Variants in L2HGDH observed in about 807,000 individuals in gnomAD.
The protein encoded by L2HGDH is L-2-hydroxyglutarate dehydrogenase, mitochondrial.
Under a neutral mutation model 51.5 loss-of-function variants are expected in L2HGDH, and 34 were observed. The ratio of observed to expected loss-of-function variants is 0.66; its 90% CI spans 0.50 to 0.88. The LOEUF (loss-of-function observed/expected upper bound fraction) is 0.88, where lower values mean the gene tolerates loss of function less well. L2HGDH is among the 40% of genes least tolerant of loss of function. The probability of loss-of-function intolerance (pLI) is 0.00; values close to 1 mark genes in which losing one functional copy is unlikely to be tolerated. For missense variants in L2HGDH, 558 were observed against 571.9 expected (o/e 0.98, Z 0.25); for synonymous variants, 198 against 197.9 (o/e 1.00, Z -0.01).
At chr14:50,266,486 C>A (rs1249796597) in intron 8 of L2HGDH, among the ~76,000 whole-genome samples, 3 of 151,906 alleles carry the variant, frequency 2.0e-5, no homozygotes, top group Admixed American at 6.6e-5. Context: ...CTACAGAAAA[C>A]ACAAAAATTA....
At chr14:50,311,096 C>G (rs763093129) in intron 1 of L2HGDH, among the ~76,000 whole-genome samples, 2 of 151,906 alleles carry the variant, frequency 1.3e-5, no homozygotes, top group African/African-American at 2.4e-5. Flanking sequence ...CCCACCACCA[C>G]GCCAGGCTAA....
chr14:50,300,698 A>G (rs1044050310), intron 3 of L2HGDH, among the ~76,000 whole-genome samples: 2 of 152,204 alleles, frequency 1.3e-5, no homozygotes, highest in South Asian at 4.1e-4. Context: ...AGTGGCTCAC[A>G]TCTGTAATCC....
intron 6 of L2HGDH, among the ~76,000 whole-genome samples, chr14:50,274,152 G>A (rs1889842611): frequency 6.6e-6 from 1 of 152,010 alleles, no homozygotes; most frequent in African/African-American, 2.4e-5. Context: ...GGCAGCACGT[G>A]CCTGTAATAC....
Position 50,242,547 on chromosome 14 carries a change from A to G in L2HGDH, c.*4511T>C, listed in dbSNP as rs1250127359. ...ATACTTTCTAGGATTTGAGGCCAGA[A>G]AAGTAGAGTTGGTTGGTATCAACAC... is the stretch of plus-strand genomic sequence containing the variant. On this transcript the variant is annotated 3_prime_UTR_variant, in exon 10 of 10. Transcript: ENST00000267436. The G allele has an allele frequency of 1.0e-6, 1 of 984,920 alleles. No individual in the cohort carries two copies. Among genetic ancestry groups the G allele is most frequent in the Non-Finnish European group, 1.2e-6 (1 of 829,560 alleles). 61.0% of individuals were successfully genotyped at this position (984,920 alleles called of 1,614,324 possible). A position where few individuals can be genotyped will look rare whatever the true frequency, so the allele number is the denominator to read the frequency against.
At chr14:50,262,558 G>A (rs372912887) in intron 9 of L2HGDH, among the ~76,000 whole-genome samples, 10 of 151,132 alleles carry the variant, frequency 6.6e-5, no homozygotes, top group African/African-American at 1.7e-4. Flanking sequence ...AAGCATTACC[G>A]ATATGATAGA....
At chr14:50,259,365 G>T (rs1354306615) in intron 9 of L2HGDH, among the ~76,000 whole-genome samples, 15 of 52,124 alleles carry the variant, frequency 2.9e-4, no homozygotes, top group Admixed American at 6.2e-4. Context: ...TTTCTTTTTC[G>T]GTTTTTTTTT....
intron 6 of L2HGDH, among the ~76,000 whole-genome samples, chr14:50,271,764 T>C (rs1889705004): frequency 1.3e-5 from 2 of 152,192 alleles, no homozygotes; most frequent in Non-Finnish European, 2.9e-5. Context: ...TCTGTTGCTC[T>C]TTCATAAGTG....
chr14:50,297,906 A>G (rs2030159397), intron 3 of L2HGDH, among the ~76,000 whole-genome samples: 1 of 151,104 alleles, frequency 6.6e-6, no homozygotes, highest in Non-Finnish European at 1.5e-5. Flanking sequence ...TTTGAGACCA[A>G]CTTGAGCAAC....
At chr14:50,257,373 ATT>A (rs34937042) in intron 9 of L2HGDH, among the ~76,000 whole-genome samples, 3 of 145,108 alleles carry the variant, frequency 2.1e-5, no homozygotes, top group Admixed American at 6.8e-5. Flanking sequence ...TTTTCCTTTA[ATT>A]TTTTTTTTTT....
At chr14:50,292,111 A>T (rs912307149) in intron 4 of L2HGDH, among the ~76,000 whole-genome samples, 1 of 152,216 alleles carries the variant, frequency 6.6e-6, no homozygotes, top group African/African-American at 2.4e-5. Context: ...TATAAGAGAC[A>T]TGCCATGCAA....
At chr14:50,251,273 AG>A (rs1448242813) in intron 9 of L2HGDH, among the ~76,000 whole-genome samples, 2 of 152,180 alleles carry the variant, frequency 1.3e-5, no homozygotes, top group African/African-American at 4.8e-5. Context: ...CTGATCAGGC[AG>A]AAGAGTTTGT....
At chr14:50,264,402 T>C (rs1319932971) in intron 9 of L2HGDH, among the ~76,000 whole-genome samples, 2 of 152,020 alleles carry the variant, frequency 1.3e-5, no homozygotes, top group East Asian at 3.9e-4. Flanking sequence ...AAATAAAAGA[T>C]GCAAGTTGTC....
chr14:50,299,934 G>T (rs1849303725), intron 3 of L2HGDH: 1 of 152,626 alleles, frequency 6.6e-6, no homozygotes. Context: ...GAACCTGGAG[G>T]ACATTATCTT....
intron 4 of L2HGDH, among the ~76,000 whole-genome samples, chr14:50,284,566 CAT>C (rs1426225062): frequency 6.6e-6 from 1 of 152,172 alleles, no homozygotes; most frequent in Non-Finnish European, 1.5e-5. Context: ...CTATATAACA[CAT>C]GCTTATTTTA....
At chr14:50,263,345 G>C (rs563624239) in intron 9 of L2HGDH, among the ~76,000 whole-genome samples, 5 of 152,194 alleles carry the variant, frequency 3.3e-5, no homozygotes, top group Non-Finnish European at 5.9e-5. Context: ...TATTTCAGAA[G>C]GTGAGTAGAG....
intron 1 of L2HGDH, among the ~76,000 whole-genome samples, chr14:50,311,106 A>G (rs1177853876): frequency 6.6e-6 from 1 of 151,416 alleles, no homozygotes; most frequent in Non-Finnish European, 1.5e-5. Context: ...CGCCAGGCTA[A>G]TTTTTTTGTA....
At chr14:50,296,080 A>G (rs952412378) in intron 3 of L2HGDH, among the ~76,000 whole-genome samples, 2 of 152,032 alleles carry the variant, frequency 1.3e-5, no homozygotes, top group Non-Finnish European at 2.9e-5. Context: ...TTATTCTTAA[A>G]AATTATAAGG....
chr14:50,263,729 T>G (rs1889176618), intron 9 of L2HGDH, among the ~76,000 whole-genome samples: 1 of 151,352 alleles, frequency 6.6e-6, no homozygotes, highest in African/African-American at 2.4e-5. Flanking sequence ...TAGGTTTGGG[T>G]GGTATTAAGA....
intron 4 of L2HGDH, among the ~76,000 whole-genome samples, chr14:50,284,246 T>A (rs937785455): frequency 1.3e-5 from 2 of 152,206 alleles, no homozygotes; most frequent in Non-Finnish European, 2.9e-5. Context: ...GAATTACGTA[T>A]CATCAAACAA....
Sources: gnomAD v4.1 joint callset for allele counts (sites outside exome capture counted in the v4.1 genomes callset) on GRCh38, gnomAD v4.1.1 for gene constraint, MANE v1.5 for transcripts, NCBI Gene and HGNC (gene_info 2026-07-23, HGNC 2026-07-21) for gene names.